Variants in RHBDL2 observed in about 807,000 individuals in gnomAD.
RHBDL2 encodes the protein rhomboid like 2.
In RHBDL2, 26 loss-of-function variants were observed where a neutral mutation model predicts 31.7. That is an observed-to-expected ratio of 0.82 (90% CI 0.60 to 1.14). The LOEUF (loss-of-function observed/expected upper bound fraction) is 1.14. RHBDL2 is among the 50% of genes most tolerant of loss of function. The pLI is 0.00. For synonymous variants in RHBDL2, 123 were observed against 127.2 expected (o/e 0.97, Z 0.22); for missense variants, 336 against 364.4 (o/e 0.92, Z 0.63).
intron 4 of RHBDL2, among the ~76,000 whole-genome samples, chr1:38,909,405 T>G (rs1213549681): frequency 6.6e-6 from 1 of 152,078 alleles, no homozygotes; most frequent in African/African-American, 2.4e-5. Context: ...ATTGCTACGG[T>G]GAATGTAAAA....
intron 1 of RHBDL2, among the ~76,000 whole-genome samples, chr1:38,933,842 C>A (rs566029747): frequency 6.6e-6 from 1 of 151,940 alleles, no homozygotes; most frequent in Non-Finnish European, 1.5e-5. Flanking sequence ...AATTCTCCTG[C>A]CTTAGCCTCC....
rs754779077 is a variant in RHBDL2, at chr1:38,919,239, A to T, written c.-27T>A. The T allele has an allele frequency of 6.2e-7, 1 of 1,614,010 alleles. No individual in the cohort carries two copies. Among genetic ancestry groups the T allele is most frequent in the Non-Finnish European group, 8.5e-7 (1 of 1,180,008 alleles). ...GTCCTGGGTCCTCCCTCCTCCCCAG[A>T]AGGACATGAATCCCAGGGAACAGCA... On this transcript the variant is annotated 5_prime_UTR_variant, in exon 2 of 8. Transcript: ENST00000372990.
chr1:38,905,255 G>C (rs574090884), intron 4 of RHBDL2, among the ~76,000 whole-genome samples: 75 of 151,290 alleles, frequency 5.0e-4, no homozygotes, highest in African/African-American at 1.8e-3. Flanking sequence ...GGTAGAGACA[G>C]AGTTTCATTA....
chr1:38,916,867 C>G (rs1570932224), intron 2 of RHBDL2, among the ~76,000 whole-genome samples: 1 of 26,846 alleles, frequency 3.7e-5, no homozygotes, highest in Middle Eastern at 0.021. Context: ...GCGACTCCAT[C>G]TCAAAAAAAA....
intron 4 of RHBDL2, among the ~76,000 whole-genome samples, chr1:38,909,470 CT>C (rs894115009): frequency 6.6e-6 from 1 of 152,140 alleles, no homozygotes; most frequent in African/African-American, 2.4e-5. Context: ...AAAGAATTTT[CT>C]TTAAAAATTC....
chr1:38,937,575 C>T (rs535517070), intron 1 of RHBDL2, among the ~76,000 whole-genome samples: 2 of 152,244 alleles, frequency 1.3e-5, no homozygotes, highest in South Asian at 2.1e-4. Context: ...TCTGTGCCCC[C>T]GCATCCCCAG....
At chr1:38,912,095 CTGAGTAG>C (rs1284996220) in intron 3 of RHBDL2, among the ~76,000 whole-genome samples, 2 of 152,098 alleles carry the variant, frequency 1.3e-5, no homozygotes, top group Non-Finnish European at 2.9e-5. Context: ...CCTCAGCCTG[CTGAGTAG>C]CTGTGATTAC....
chr1:38,941,300 G>A (rs1373420794), intron 1 of RHBDL2, among the ~76,000 whole-genome samples: 5 of 152,298 alleles, frequency 3.3e-5, no homozygotes, highest in African/African-American at 9.6e-5. Context: ...CAAAGGGCTA[G>A]GAACTGGCTT....
At chr1:38,904,061 C>T (rs1476214803) in intron 4 of RHBDL2, among the ~76,000 whole-genome samples, 1 of 152,178 alleles carries the variant, frequency 6.6e-6, no homozygotes, top group Non-Finnish European at 1.5e-5. Flanking sequence ...TTCAGTCCTT[C>T]CCCTTGCAAA....
chr1:38,902,181 T>TTTTCTTC (rs1472034786), intron 4 of RHBDL2, among the ~76,000 whole-genome samples: 1 of 146,018 alleles, frequency 6.8e-6, no homozygotes, highest in Non-Finnish European at 1.5e-5. Flanking sequence ...CACAGTTTTG[T>TTTTCTTC]TTTCTTCTTT....
At chr1:38,909,697 G>A (rs1015585156) in intron 4 of RHBDL2, among the ~76,000 whole-genome samples, 1 of 151,838 alleles carries the variant, frequency 6.6e-6, no homozygotes, top group African/African-American at 2.4e-5. Flanking sequence ...AGCCAAGATC[G>A]CACCATTGCA....
intron 3 of RHBDL2, 194 bp downstream of exon 3, chr1:38,915,368 G>A: frequency 1.9e-6 from 1 of 532,572 alleles, no homozygotes; most frequent in Non-Finnish European, 3.3e-6. Context: ...CAAGTGATCT[G>A]CCCACCTCAG....
chr1:38,899,337 G>A (rs920454828), intron 4 of RHBDL2, among the ~76,000 whole-genome samples: 3 of 152,186 alleles, frequency 2.0e-5, no homozygotes, highest in Admixed American at 6.5e-5. Context: ...TCAAAGGTGG[G>A]GCAGACCTTG....
At chr1:38,915,449 G>A in intron 3 of RHBDL2, 113 bp downstream of exon 3, 1 of 1,069,408 alleles carries the variant, frequency 9.4e-7, no homozygotes, top group Non-Finnish European at 1.4e-6. Flanking sequence ...TAGGGTTGCT[G>A]TGAAGATTAT....
chr1:38,918,366 AG>A, intron 2 of RHBDL2, among the ~76,000 whole-genome samples: 1 of 152,240 alleles, frequency 6.6e-6, no homozygotes, highest in South Asian at 2.1e-4. Context: ...GGAAAAAACT[AG>A]GTGCCACGAG....
At chr1:38,887,264 G>C (rs1642795775) in intron 7 of RHBDL2, among the ~76,000 whole-genome samples, 1 of 152,118 alleles carries the variant, frequency 6.6e-6, no homozygotes, top group African/African-American at 2.4e-5. Context: ...CGCCCAGGCT[G>C]GAGTGCAGTC....
rs187368265 is a variant in RHBDL2, at chr1:38,924,787, T to C, written c.-125-5450A>G. On this transcript the variant is annotated intron_variant, in intron 1 of 7. Transcript: ENST00000372990. Reference sequence around the variant, plus strand: ...TGAAAAGAGATTTCTTTTTTCTTTTTTTTTTTTTTTTTGAGATTGAGTTTT... The same window carrying C: ...TGAAAAGAGATTTCTTTTTTCTTTTCTTTTTTTTTTTTGAGATTGAGTTTT... Among the ~76,000 whole-genome samples the C allele has an allele frequency of 1.7e-3, 249 of 150,242 alleles. 1 individual carries two copies. Among genetic ancestry groups the C allele is most frequent in the African/African-American group, 5.8e-3 (239 of 40,870 alleles).
intron 3 of RHBDL2, 22 bp downstream of exon 3, chr1:38,915,540 G>C (rs142032509): frequency 2.5e-6 from 4 of 1,611,884 alleles, no homozygotes; most frequent in Non-Finnish European, 3.4e-6. Context: ...CTGATACCAG[G>C]GGCTTAACTA....
chr1:38,930,447 AT>A (rs1446622690), intron 1 of RHBDL2, among the ~76,000 whole-genome samples: 7 of 152,226 alleles, frequency 4.6e-5, no homozygotes, highest in African/African-American at 1.7e-4. Context: ...CCCCACAGCT[AT>A]TTAACATATT....
Sources: gnomAD v4.1 joint callset for allele counts (sites outside exome capture counted in the v4.1 genomes callset) on GRCh38, gnomAD v4.1.1 for gene constraint, MANE v1.5 for transcripts, NCBI Gene and HGNC (gene_info 2026-07-23, HGNC 2026-07-21) for gene names.